Variants in VPS53 observed in about 807,000 individuals in gnomAD.
VPS53 encodes VPS53 subunit of GARP complex.
VPS53 carries 70 observed loss-of-function variants against 107.0 expected under a neutral mutation model. That is an observed-to-expected ratio of 0.65 (90% confidence interval 0.54 to 0.80). The LOEUF (loss-of-function observed/expected upper bound fraction) is 0.80, where lower values mean the gene tolerates loss of function less well. Ranked by LOEUF, VPS53 falls within the 30% of genes least tolerant of loss-of-function variation. VPS53 has a pLI of 0.00. For synonymous variants in VPS53, 409 were observed against 393.3 expected (o/e 1.04, Z -0.47); for missense variants, 917 against 1,049.4 (o/e 0.87, Z 1.74).
chr17:611,337 C>T (rs181942220), intron 11 of VPS53, among the ~76,000 whole-genome samples: 1 of 152,140 alleles, frequency 6.6e-6, no homozygotes, highest in Non-Finnish European at 1.5e-5. Context: ...TTTAAAGAAG[C>T]TGTGCAATGT....
chr17:553,215 G>T, intron 16 of VPS53, 165 bp downstream of exon 16: 1 of 493,644 alleles, frequency 2.0e-6, no homozygotes, highest in Non-Finnish European at 3.6e-6. Flanking sequence ...GTGGAGAAAG[G>T]GCAGGCAGTG....
At chr17:702,393 C>T (rs1252761424) in intron 2 of VPS53, among the ~76,000 whole-genome samples, 3 of 151,976 alleles carry the variant, frequency 2.0e-5, no homozygotes, top group Non-Finnish European at 4.4e-5. Flanking sequence ...AGGCTGGGCG[C>T]GGTGGCTCAT....
At chr17:525,626 C>G (rs890845259) in intron 19 of VPS53, among the ~76,000 whole-genome samples, 13 of 151,734 alleles carry the variant, frequency 8.6e-5, no homozygotes, top group African/African-American at 3.2e-4. Context: ...CCCAGGAATT[C>G]CAGGTTGCAG....
At chr17:647,120 T>G (rs540180242) in intron 7 of VPS53, among the ~76,000 whole-genome samples, 25 of 152,344 alleles carry the variant, frequency 1.6e-4, no homozygotes, top group Non-Finnish European at 3.4e-4. Flanking sequence ...TGAGACTCCC[T>G]CTTCCTTCTT....
intron 16 of VPS53, among the ~76,000 whole-genome samples, 178 bp from the exon 17 acceptor site, chr17:552,128 G>A (rs1056645403): frequency 6.6e-6 from 1 of 152,160 alleles, no homozygotes; most frequent in African/African-American, 2.4e-5. Flanking sequence ...TTATCTGGGT[G>A]TGTCCTCACC....
intron 13 of VPS53, among the ~76,000 whole-genome samples, chr17:579,732 A>G (rs1966887319): frequency 6.6e-6 from 1 of 151,122 alleles, no homozygotes; most frequent in Admixed American, 6.6e-5. Context: ...TTCTCAGAGA[A>G]CCTCCCTCAG....
intron 13 of VPS53, among the ~76,000 whole-genome samples, chr17:572,216 G>A (rs370009947): frequency 0.015 from 2,303 of 149,570 alleles, 10 homozygotes; most frequent in Middle Eastern, 0.033. Context: ...GATGTGAGGA[G>A]CGCCTCTGCC....
At position 613,366 on chromosome 17, in the gene VPS53, GCA is replaced by G. The variant is rs1221366411; in HGVS notation, c.1116+10165_1116+10166del. On this transcript the variant is annotated intron_variant, in intron 11 of 21. Coordinates refer to ENST00000437048, the MANE Select transcript of VPS53 (RefSeq NM_001128159.3). Reference sequence around the variant, plus strand: ...TAGTGAGTTCACACAGTGAAAACCTGCACAGATATTCACAGCAGTAATCAAAT... The same window carrying G: ...TAGTGAGTTCACACAGTGAAAACCTGCAGATATTCACAGCAGTAATCAAAT... Among the ~76,000 whole-genome samples, 7 of 150,564 alleles carry G rather than the reference GCA, an allele frequency of 4.6e-5. No individual in the cohort carries two copies. In the East Asian group the frequency reaches 7.9e-4, roughly 17 times the overall value.
chr17:557,516 T>C (rs770288811), intron 15 of VPS53, among the ~76,000 whole-genome samples: 2 of 152,232 alleles, frequency 1.3e-5, no homozygotes, highest in African/African-American at 4.8e-5. Context: ...ATGACACTAA[T>C]AGTCTTTGAT....
intron 2 of VPS53, among the ~76,000 whole-genome samples, chr17:701,513 G>A (rs966979194): frequency 6.7e-6 from 1 of 148,762 alleles, no homozygotes; most frequent in African/African-American, 2.5e-5. Context: ...GAGTAGCTGG[G>A]ATTACAGGCA....
At chr17:690,065 C>T (rs536732452) in intron 4 of VPS53, among the ~76,000 whole-genome samples, 13 of 152,254 alleles carry the variant, frequency 8.5e-5, no homozygotes, top group South Asian at 4.1e-4. Flanking sequence ...AAGCCTCTGA[C>T]GGCACGTCAC....
chr17:570,884 G>A (rs1314067734), intron 13 of VPS53, among the ~76,000 whole-genome samples: 1 of 152,180 alleles, frequency 6.6e-6, no homozygotes, highest in Admixed American at 6.5e-5. Flanking sequence ...GGATTAAGCA[G>A]TAATGTTGTA....
intron 17 of VPS53, among the ~76,000 whole-genome samples, chr17:548,733 G>C (rs1232986436): frequency 6.6e-6 from 1 of 152,258 alleles, no homozygotes; most frequent in Non-Finnish European, 1.5e-5. Context: ...AACTCTGTCA[G>C]TCCAAGTACA....
chr17:647,064 G>T (rs1321522948), intron 7 of VPS53, among the ~76,000 whole-genome samples: 1 of 152,306 alleles, frequency 6.6e-6, no homozygotes, highest in African/African-American at 2.4e-5. Context: ...AACCTGACCC[G>T]ATCTACCTAT....
chr17:660,650 G>GC (rs1294396143), intron 5 of VPS53, among the ~76,000 whole-genome samples: 2 of 86,900 alleles, frequency 2.3e-5, no homozygotes, highest in African/African-American at 7.7e-5. Flanking sequence ...AAGGACGAGG[G>GC]CCCCTGGGTG....
intron 10 of VPS53, among the ~76,000 whole-genome samples, chr17:624,048 G>A (rs1194943454): frequency 6.6e-6 from 1 of 150,950 alleles, no homozygotes; most frequent in Non-Finnish European, 1.5e-5. Flanking sequence ...AGTAGAGATA[G>A]TGTTTCACCA....
At chr17:607,709 G>T (rs985469014) in intron 11 of VPS53, among the ~76,000 whole-genome samples, 4 of 152,178 alleles carry the variant, frequency 2.6e-5, no homozygotes, top group African/African-American at 9.7e-5. Context: ...AATTTTGAAA[G>T]AATTCATTCT....
At chr17:660,202 G>C (rs1971387162) in intron 5 of VPS53, among the ~76,000 whole-genome samples, 1 of 152,164 alleles carries the variant, frequency 6.6e-6, no homozygotes, top group African/African-American at 2.4e-5. Context: ...CCTAGAACAA[G>C]TTTCTCAGCC....
chr17:686,007 T>TAA (rs560067921), intron 4 of VPS53, among the ~76,000 whole-genome samples: 3 of 144,070 alleles, frequency 2.1e-5, no homozygotes, highest in Non-Finnish European at 3.1e-5. Context: ...ACCCTGTCTC[T>TAA]AAAAAAAAAA....
Sources: allele counts gnomAD v4.1 joint callset (sites outside exome capture counted in the v4.1 genomes callset), GRCh38; gene constraint gnomAD v4.1.1; transcripts MANE v1.5; gene names NCBI Gene and HGNC (gene_info 2026-07-23, HGNC 2026-07-21).